The following ADRA1A variants were observed in gnomAD, a reference collection of about 807,000 sequenced individuals.
ADRA1A encodes alpha-1A adrenergic receptor.
A neutral mutation model predicts 29.6 loss-of-function variants in ADRA1A; 31 were observed. That is an observed-to-expected ratio of 1.05 (90% CI 0.79 to 1.41). The LOEUF is 1.41. ADRA1A is among the 40% of genes most tolerant of loss of function. The pLI is 0.00. For synonymous variants in ADRA1A, 311 were observed against 254.3 expected (o/e 1.22, Z -2.12); for missense variants, 619 against 601.1 (o/e 1.03, Z -0.31).
chr8:26,773,731 G>C (rs570377877), intron 2 of ADRA1A, among the ~76,000 whole-genome samples: 1 of 152,290 alleles, frequency 6.6e-6, no homozygotes, highest in Admixed American at 6.5e-5. Context: ...ACAGAACCCA[G>C]TTTTGCACTC....
In ADRA1A at chr8:26,756,621, A is replaced by G. The variant is rs111655098; in HGVS notation, c.*138T>C. 4.9e-4 allele frequency: 770 copies of G among 1,570,388 alleles called. 2 individuals are homozygous for G. In the African/African-American group the frequency reaches 8.9e-3, roughly 18 times the overall value. On this transcript the variant is annotated 3_prime_UTR_variant, in exon 3 of 3. Transcript: ENST00000380582. ...TTAGTCAGATGGATGCTTGATAAAG[A>G]AGTAAATCCAAGTGTCAGGCAAGGC...
At chr8:26,779,762 G>T (rs1354119765) in intron 2 of ADRA1A, among the ~76,000 whole-genome samples, 2 of 152,168 alleles carry the variant, frequency 1.3e-5, no homozygotes, top group Non-Finnish European at 2.9e-5. Flanking sequence ...AATTCTGATT[G>T]CATGAAGCGG....
chr8:26,786,746 G>C (rs58721600), intron 2 of ADRA1A, among the ~76,000 whole-genome samples: 1,651 of 51,476 alleles, frequency 0.032, 11 homozygotes, highest in East Asian at 0.17. Flanking sequence ...TGCTGGGTTG[G>C]GGGGGGGGGT....
At chr8:26,748,649 A>G in exon 3 of ADRA1A, 2 of 385,840 alleles carry the variant, frequency 5.2e-6, no homozygotes, top group Non-Finnish European at 5.0e-6. Flanking sequence ...GCTGCTTGGG[A>G]GGCTGAGGCA....
At chr8:26,810,024 A>C (rs1343246271) in intron 2 of ADRA1A, among the ~76,000 whole-genome samples, 1 of 152,200 alleles carries the variant, frequency 6.6e-6, no homozygotes, top group Non-Finnish European at 1.5e-5. Context: ...TAAGAGGGAG[A>C]TCTGCCCTTG....
chr8:26,845,564 G>A (rs1054978268), intron 2 of ADRA1A, among the ~76,000 whole-genome samples: 2 of 152,118 alleles, frequency 1.3e-5, no homozygotes, highest in Admixed American at 6.5e-5. Context: ...CCATATGGCC[G>A]AGCAATTCAA....
In ADRA1A at chr8:26,848,385, C is replaced by G. The variant is rs1045383760; in HGVS notation, c.883+15702G>C. ...AGGTGATTAGGACTAGATGATGTCACGAGGGTGAACCCTCATAATGAGATT... is the reference window on the plus strand; with the variant it reads ...AGGTGATTAGGACTAGATGATGTCAGGAGGGTGAACCCTCATAATGAGATT... On this transcript the variant is annotated intron_variant, in intron 2 of 2. Coordinates refer to ENST00000380573, the MANE Select transcript of ADRA1A (RefSeq NM_000680.4). This position sits in a 1 kb window ranked among gnomAD's most constrained non-coding sequence, Gnocchi z 4.3. 1.3e-5 allele frequency among the ~76,000 whole-genome samples: 2 copies of G among 152,160 alleles called. No homozygotes were observed. The highest frequency in any genetic ancestry group is 2.9e-5 in the Non-Finnish European group (2 of 68,036).
chr8:26,856,690 C>T (rs1021572814), intron 2 of ADRA1A, among the ~76,000 whole-genome samples: 4 of 152,188 alleles, frequency 2.6e-5, no homozygotes, highest in African/African-American at 9.7e-5. Flanking sequence ...AAAGACCTTT[C>T]TACCCTCCCA....
chr8:26,767,663 C>T (rs760774314), downstream of ADRA1A, among the ~76,000 whole-genome samples: 18 of 152,140 alleles, frequency 1.2e-4, no homozygotes, highest in African/African-American at 4.3e-4. Context: ...GCCAGATTTC[C>T]TGTATTTCTA....
At chr8:26,839,191 G>T (rs1322232035) in intron 2 of ADRA1A, among the ~76,000 whole-genome samples, 3 of 134,702 alleles carry the variant, frequency 2.2e-5, no homozygotes, top group African/African-American at 8.5e-5. Context: ...ATGGAGCCTC[G>T]ATCTACGCCC....
chr8:26,766,956 TGAC>T (rs1372297180), downstream of ADRA1A, among the ~76,000 whole-genome samples: 4 of 152,120 alleles, frequency 2.6e-5, no homozygotes, highest in African/African-American at 9.7e-5. Flanking sequence ...ATATGCTATG[TGAC>T]GACAAGCAGA....
At chr8:26,811,489 G>A (rs943991813) in intron 2 of ADRA1A, among the ~76,000 whole-genome samples, 7 of 152,176 alleles carry the variant, frequency 4.6e-5, no homozygotes, top group Admixed American at 1.3e-4. Flanking sequence ...ACCGCGTCTG[G>A]CCCTCACTGT....
intron 2 of ADRA1A, among the ~76,000 whole-genome samples, chr8:26,782,233 T>A (rs529678386): frequency 2.6e-5 from 4 of 152,302 alleles, no homozygotes; most frequent in Non-Finnish European, 5.9e-5. Flanking sequence ...GGGTAAACAG[T>A]CCTAGGCTCC....
intron 2 of ADRA1A, among the ~76,000 whole-genome samples, chr8:26,858,874 A>G (rs1813235000): frequency 6.6e-6 from 1 of 152,238 alleles, no homozygotes; most frequent in African/African-American, 2.4e-5. Flanking sequence ...GATTAGCAAG[A>G]TTTAGACTTG....
rs1813952749 is a variant in ADRA1A, at chr8:26,867,007, C to T, written c.-758G>A. 15 of 985,224 alleles carry T rather than the reference C, an allele frequency of 1.5e-5. No individual in the cohort carries two copies. In the South Asian group the frequency reaches 4.7e-4, roughly 31 times the overall value. 61.0% of individuals were successfully genotyped at this position (985,224 alleles called of 1,614,324 possible). ...ACCCGGCTTCGGTCCCGGGAGCTGC[C>T]TGCCTGCTCTTCTCTGGAGGCGGAG... On this transcript the variant is annotated 5_prime_UTR_variant, in exon 1 of 3. Coordinates refer to ENST00000380573, the MANE Select transcript of ADRA1A (RefSeq NM_000680.4).
In ADRA1A at chr8:26,864,141, C is replaced by A; in HGVS notation, c.829G>T (p.Val277Leu). Residue 277 changes from valine to leucine, a missense_variant, in exon 2 of 3, where the codon GTG (valine) becomes TTG (leucine). Val to Leu is a conservative substitution (Grantham distance 32). Coordinates refer to ENST00000380573, the MANE Select transcript of ADRA1A (RefSeq NM_000680.4). The surrounding 1 kb of genome is among the most constrained non-coding windows in gnomAD (Gnocchi z 8.1). ...EKKAAKTLGI[V>L]VGCFVLCWLP... is the part of the protein sequence containing the mutation. ...CAGCAGAGGACGAAGCAGCCGACCACGATGCCCAGCGTTTTGGCCGCTTTC... is the reference window on the plus strand; with the variant it reads ...CAGCAGAGGACGAAGCAGCCGACCAAGATGCCCAGCGTTTTGGCCGCTTTC... 6.2e-7 allele frequency: 1 copy of A among 1,614,152 alleles called. No individual in the cohort carries two copies. The highest frequency in any genetic ancestry group is 8.5e-7 in the Non-Finnish European group (1 of 1,180,042).
At chr8:26,778,363 T>A (rs570351242) in intron 2 of ADRA1A, among the ~76,000 whole-genome samples, 3 of 152,168 alleles carry the variant, frequency 2.0e-5, no homozygotes, top group Non-Finnish European at 4.4e-5. Context: ...ATTTAAAAGA[T>A]TATTTGTTCA....
rs897126135 is a variant in ADRA1A at position 26,821,996 on chromosome 8, G to C, written c.883+42091C>G. 6.6e-6 allele frequency among the ~76,000 whole-genome samples: 1 copy of C among 152,124 alleles called. No homozygotes were observed. The highest frequency in any genetic ancestry group is 1.5e-5 in the Non-Finnish European group (1 of 68,012). ...TTTGCTTAACCCTTCATTCACTGAT[G>C]AATATCTGGATTGTTTCCAGTTTGG... is the stretch of plus-strand genomic sequence containing the variant. On this transcript the variant is annotated intron_variant, in intron 2 of 2. Coordinates refer to ENST00000380573, the MANE Select transcript of ADRA1A (RefSeq NM_000680.4). This position sits in a 1 kb window ranked among gnomAD's most constrained non-coding sequence, Gnocchi z 5.6.
At chr8:26,839,603 G>A (rs1445069307) in intron 2 of ADRA1A, among the ~76,000 whole-genome samples, 1 of 152,138 alleles carries the variant, frequency 6.6e-6, no homozygotes, top group African/African-American at 2.4e-5. Context: ...TCTGGCGCCT[G>A]GTAGACTCTC....
Sources: allele counts gnomAD v4.1 joint callset (sites outside exome capture counted in the v4.1 genomes callset), GRCh38; gene constraint gnomAD v4.1.1; non-coding constraint Gnocchi (gnomAD v3.1); transcripts MANE v1.5; gene names NCBI Gene and HGNC (gene_info 2026-07-23, HGNC 2026-07-21).